Variants in SLCO5A1 observed in about 807,000 individuals in gnomAD.
SLCO5A1 encodes solute carrier organic anion transporter family member 5A1.
Under a neutral mutation model 65.1 loss-of-function variants are expected in SLCO5A1, and 39 were observed. The observed-to-expected ratio is 0.60, with a 90% CI of 0.46 to 0.78. The LOEUF is 0.78. Among genes scored for constraint, SLCO5A1 ranks in the 30% least tolerant of loss-of-function variants. The pLI is 0.00. For synonymous variants in SLCO5A1, 438 were observed against 415.7 expected, an observed-to-expected ratio of 1.05 and a Z score of -0.65; for missense variants, 1,029 against 1,069.4, an observed-to-expected ratio of 0.96 and a Z score of 0.53.
intron 2 of SLCO5A1, among the ~76,000 whole-genome samples, chr8:69,829,287 G>C (rs1821061559): frequency 6.6e-6 from 1 of 152,092 alleles, no homozygotes; most frequent in African/African-American, 2.4e-5. Flanking sequence ...GGGAATGGAG[G>C]AACAAGGTAA....
chr8:69,683,624 G>A (rs576344586), intron 6 of SLCO5A1, among the ~76,000 whole-genome samples: 7 of 151,002 alleles, frequency 4.6e-5, no homozygotes, highest in African/African-American at 1.5e-4. Flanking sequence ...GTGCAGTGGC[G>A]TGATCTCCAC....
At chr8:69,675,813 G>A (rs1813524389) in intron 9 of SLCO5A1, among the ~76,000 whole-genome samples, 1 of 152,112 alleles carries the variant, frequency 6.6e-6, no homozygotes, top group African/African-American at 2.4e-5. Flanking sequence ...TGATTACTGA[G>A]GAGAAAATAA....
chr8:69,732,838 G>A (rs900767465), intron 5 of SLCO5A1, among the ~76,000 whole-genome samples: 1 of 151,846 alleles, frequency 6.6e-6, no homozygotes, highest in South Asian at 2.1e-4. Flanking sequence ...GCAGTGAGCC[G>A]AGTTCACGGC....
chr8:69,777,214 C>T (rs373175200), intron 2 of SLCO5A1, among the ~76,000 whole-genome samples: 2 of 151,952 alleles, frequency 1.3e-5, no homozygotes, highest in African/African-American at 2.4e-5. Flanking sequence ...TACTACTTAG[C>T]GATATAAAGA....
chr8:69,689,673 G>A (rs1218799058), intron 6 of SLCO5A1, among the ~76,000 whole-genome samples: 8 of 143,560 alleles, frequency 5.6e-5, no homozygotes, highest in Admixed American at 5.4e-4. Flanking sequence ...ATTTCTGAGG[G>A]CTCTGTTCTG....
In SLCO5A1 at chr8:69,668,334, C is replaced by T. The variant is rs1813239751; in HGVS notation, c.*4535G>A. 6.6e-6 allele frequency: 1 copy of T among 152,158 alleles called. No homozygotes were observed. Among genetic ancestry groups the T allele is most frequent in the Non-Finnish European group, 1.5e-5 (1 of 68,038 alleles). 9.4% of individuals were successfully genotyped at this position (152,158 alleles called of 1,614,324 possible). ...CACTCTCTTATTATGGAAGAGAAAA[C>T]ACAAATGTGTGGAAAGGCTACCTAC... On this transcript the variant is annotated 3_prime_UTR_variant, in exon 10 of 10. Coordinates refer to ENST00000260126, the MANE Select transcript of SLCO5A1 (RefSeq NM_030958.3).
At chr8:69,759,137 C>T (rs908639800) in intron 3 of SLCO5A1, among the ~76,000 whole-genome samples, 7 of 152,048 alleles carry the variant, frequency 4.6e-5, no homozygotes, top group African/African-American at 1.7e-4. Context: ...TTATTCATTC[C>T]TTCCTTCCTT....
rs183318867 is a variant in SLCO5A1, at chr8:69,761,693, A to C, written c.1040+50T>G. ...TTAAATACAAGTGTACCATGACTTT[A>C]ACTATTATTAGTAAGAACTGAAATT... On this transcript the variant is annotated intron_variant, in intron 3 of 9. Coordinates refer to ENST00000260126, the MANE Select transcript of SLCO5A1 (RefSeq NM_030958.3). 6.1e-4 allele frequency: 962 copies of C among 1,584,424 alleles called. 12 individuals are homozygous for C. In the South Asian group the frequency reaches 6.5e-3, roughly 11 times the overall value.
At chr8:69,749,508 C>T (rs1291645453) in intron 4 of SLCO5A1, among the ~76,000 whole-genome samples, 3 of 152,014 alleles carry the variant, frequency 2.0e-5, no homozygotes, top group African/African-American at 7.2e-5. Flanking sequence ...ATCCCAACTA[C>T]TCAGGAGGCT....
At chr8:69,782,697 T>G (rs1311636733) in intron 2 of SLCO5A1, among the ~76,000 whole-genome samples, 1 of 152,202 alleles carries the variant, frequency 6.6e-6, no homozygotes, top group Non-Finnish European at 1.5e-5. Flanking sequence ...TTGTATTTTT[T>G]CTATCACACA....
chr8:69,685,378 C>T (rs769651126), intron 6 of SLCO5A1, among the ~76,000 whole-genome samples: 2 of 152,182 alleles, frequency 1.3e-5, no homozygotes, highest in Non-Finnish European at 2.9e-5. Flanking sequence ...ACAAAATGCA[C>T]AAGGACTATT....
At chr8:69,684,009 G>A (rs1403708932) in intron 6 of SLCO5A1, among the ~76,000 whole-genome samples, 3 of 152,072 alleles carry the variant, frequency 2.0e-5, no homozygotes, top group South Asian at 2.1e-4. Flanking sequence ...TTTAATGGGG[G>A]AAACAAATTC....
At chr8:69,759,868 G>A (rs951886437) in intron 3 of SLCO5A1, among the ~76,000 whole-genome samples, 4 of 152,026 alleles carry the variant, frequency 2.6e-5, no homozygotes, top group South Asian at 2.1e-4. Flanking sequence ...GGGTTATCTC[G>A]AACTCCTGAC....
At chr8:69,739,094 G>C (rs1250272094) in intron 4 of SLCO5A1, among the ~76,000 whole-genome samples, 2 of 152,116 alleles carry the variant, frequency 1.3e-5, no homozygotes, top group Non-Finnish European at 2.9e-5. Flanking sequence ...TGGCATAAAA[G>C]AACTCCAAGA....
chr8:69,715,497 G>A (rs1815474907), intron 5 of SLCO5A1, among the ~76,000 whole-genome samples: 1 of 152,174 alleles, frequency 6.6e-6, no homozygotes, highest in South Asian at 2.1e-4. Flanking sequence ...GCAGTCCTCG[G>A]AGCTTTTCCA....
chr8:69,737,560 C>T (rs1174408402), intron 5 of SLCO5A1, among the ~76,000 whole-genome samples: 4 of 152,154 alleles, frequency 2.6e-5, no homozygotes, highest in African/African-American at 9.6e-5. Context: ...AGACATCAAA[C>T]ATCTAAAATA....
chr8:69,696,738 T>C (rs773746203), intron 6 of SLCO5A1, among the ~76,000 whole-genome samples: 29 of 152,224 alleles, frequency 1.9e-4, no homozygotes, highest in Non-Finnish European at 2.9e-4. Context: ...ACAGAAAAAC[T>C]GATTCTTTAA....
intron 2 of SLCO5A1, among the ~76,000 whole-genome samples, chr8:69,768,884 C>T (rs1307899003): frequency 1.3e-5 from 2 of 152,150 alleles, no homozygotes; most frequent in Non-Finnish European, 2.9e-5. Context: ...CTTGCTATTA[C>T]TTCACTGCTC....
chr8:69,761,032 G>A (rs1449280209), intron 3 of SLCO5A1, among the ~76,000 whole-genome samples: 1 of 152,144 alleles, frequency 6.6e-6, no homozygotes, highest in African/African-American at 2.4e-5. Flanking sequence ...TGAAAACAAT[G>A]TATTTTTTTA....
Sources: allele counts gnomAD v4.1 joint callset (sites outside exome capture counted in the v4.1 genomes callset), GRCh38; gene constraint gnomAD v4.1.1; transcripts MANE v1.5; gene names NCBI Gene and HGNC (gene_info 2026-07-23, HGNC 2026-07-21).